SLC44A5: variants seen among roughly 807,000 people sequenced by gnomAD.
SLC44A5 encodes the protein choline transporter-like protein 5.
Under a neutral mutation model 101.8 loss-of-function variants are expected in SLC44A5, and 57 were observed. The observed-to-expected ratio is 0.56, with a 90% confidence interval of 0.45 to 0.70. The LOEUF is 0.70. Among genes scored for constraint, SLC44A5 ranks in the 30% least tolerant of loss-of-function variants. The probability of loss-of-function intolerance (pLI) is 0.00; values close to 1 mark genes in which losing one functional copy is unlikely to be tolerated. For missense variants in SLC44A5, 737 were observed against 853.1 expected (o/e 0.86, Z 1.70); for synonymous variants, 281 against 290.9 (o/e 0.97, Z 0.35).
the SLC44A5 span, among the ~76,000 whole-genome samples, chr1:75,633,583 T>C: frequency 1.3e-5 from 2 of 152,170 alleles, no homozygotes; most frequent in Non-Finnish European, 2.9e-5. Flanking sequence ...ATCCTGAGAC[T>C]TTGCTGAAGT....
At chr1:75,229,584 G>C (rs1174858802) in intron 12 of SLC44A5, among the ~76,000 whole-genome samples, 1 of 152,040 alleles carries the variant, frequency 6.6e-6, no homozygotes, top group Non-Finnish European at 1.5e-5. Flanking sequence ...TTCCCCAAAA[G>C]AGCCCTCCTG....
chr1:75,506,563 G>A (rs1185711139), intron 2 of SLC44A5, among the ~76,000 whole-genome samples: 2 of 152,130 alleles, frequency 1.3e-5, no homozygotes, highest in African/African-American at 2.4e-5. Flanking sequence ...TCACCTCCAT[G>A]ATTGGATGTA....
intron 2 of SLC44A5, among the ~76,000 whole-genome samples, chr1:75,488,852 T>C (rs1668291585): frequency 6.6e-6 from 1 of 152,156 alleles, no homozygotes; most frequent in South Asian, 2.1e-4. Context: ...GTCTAAGAAA[T>C]AATTTAATTT....
chr1:75,543,038 A>T (rs1671438469), intron 1 of SLC44A5, among the ~76,000 whole-genome samples: 1 of 152,180 alleles, frequency 6.6e-6, no homozygotes, highest in Admixed American at 6.6e-5. Context: ...TTACTGCAAA[A>T]GGTACAAAAG....
intron 2 of SLC44A5, among the ~76,000 whole-genome samples, chr1:75,476,475 G>A (rs1040625032): frequency 6.6e-6 from 1 of 152,188 alleles, no homozygotes; most frequent in African/African-American, 2.4e-5. Flanking sequence ...AGTGCAAGGG[G>A]TCAGGGAGTT....
chr1:75,363,335 T>C (rs78026249), intron 3 of SLC44A5, among the ~76,000 whole-genome samples: 3,138 of 152,092 alleles, frequency 0.021, 103 homozygotes, highest in African/African-American at 0.061. Flanking sequence ...TTATTGCCAT[T>C]TTAAAGTTAT....
chr1:75,439,447 A>C (rs966341983), intron 2 of SLC44A5, among the ~76,000 whole-genome samples: 1 of 152,078 alleles, frequency 6.6e-6, no homozygotes, highest in Non-Finnish European at 1.5e-5. Flanking sequence ...TCTAGGCAAA[A>C]TGGTGCATGC....
intron 11 of SLC44A5, among the ~76,000 whole-genome samples, chr1:75,235,013 T>C (rs1647947397): frequency 6.6e-6 from 1 of 152,036 alleles, no homozygotes; most frequent in South Asian, 2.1e-4. Context: ...ATTTATTAAG[T>C]TATTGTCTCA....
chr1:75,483,950 G>A (rs1668014429), intron 2 of SLC44A5, among the ~76,000 whole-genome samples: 2 of 152,098 alleles, frequency 1.3e-5, no homozygotes, highest in African/African-American at 4.8e-5. Flanking sequence ...CAGCTCTCAT[G>A]AGAACTCACT....
intron 3 of SLC44A5, among the ~76,000 whole-genome samples, chr1:75,388,222 A>ATAAG (rs1661523102): frequency 6.6e-6 from 1 of 150,510 alleles, no homozygotes; most frequent in Admixed American, 6.6e-5. Context: ...AAATAAATAA[A>ATAAG]TAAATAAATA....
At chr1:75,557,485 G>A (rs1229442922) in intron 1 of SLC44A5, among the ~76,000 whole-genome samples, 1 of 152,096 alleles carries the variant, frequency 6.6e-6, no homozygotes, top group Non-Finnish European at 1.5e-5. Flanking sequence ...CTCTTCTGTG[G>A]CCTTGTGATA....
the SLC44A5 span, among the ~76,000 whole-genome samples, chr1:75,658,478 T>C: frequency 6.6e-6 from 1 of 152,166 alleles, no homozygotes; most frequent in Non-Finnish European, 1.5e-5. Context: ...AAAGGAATTT[T>C]GGAAACTTCA....
intron 1 of SLC44A5, among the ~76,000 whole-genome samples, chr1:75,555,975 C>T (rs1403242465): frequency 6.6e-6 from 1 of 151,906 alleles, no homozygotes; most frequent in Non-Finnish European, 1.5e-5. Context: ...CAAAAAAGTA[C>T]ACATTATATA....
intron 23 of SLC44A5, among the ~76,000 whole-genome samples, chr1:75,209,299 G>A (rs1481461860): frequency 1.3e-5 from 2 of 152,172 alleles, no homozygotes; most frequent in Non-Finnish European, 2.9e-5. Flanking sequence ...GACATTTCCT[G>A]AGACAAATTT....
chr1:75,320,455 G>C (rs1169316749), intron 4 of SLC44A5, among the ~76,000 whole-genome samples: 1 of 151,990 alleles, frequency 6.6e-6, no homozygotes, highest in Non-Finnish European at 1.5e-5. Context: ...CCATTTATTT[G>C]CAAAAAAACC....
chr1:75,349,467 G>A (rs187983943), intron 3 of SLC44A5, among the ~76,000 whole-genome samples: 1 of 152,286 alleles, frequency 6.6e-6, no homozygotes, highest in East Asian at 1.9e-4. Flanking sequence ...ATGGAGACAG[G>A]CAATGAAACA....
intron 4 of SLC44A5, among the ~76,000 whole-genome samples, chr1:75,313,612 A>C (rs1307390541): frequency 6.6e-6 from 1 of 152,214 alleles, no homozygotes; most frequent in Non-Finnish European, 1.5e-5. Context: ...ATGACAACTT[A>C]CTGAACTGTG....
At chr1:75,542,155 G>A (rs1409840140) in intron 1 of SLC44A5, among the ~76,000 whole-genome samples, 1 of 152,022 alleles carries the variant, frequency 6.6e-6, no homozygotes, top group Non-Finnish European at 1.5e-5. Flanking sequence ...TTCTATGTAT[G>A]TTTTTTAACT....
intron 2 of SLC44A5, among the ~76,000 whole-genome samples, chr1:75,420,835 T>C (rs930401521): frequency 6.6e-6 from 1 of 152,158 alleles, no homozygotes; most frequent in African/African-American, 2.4e-5. Context: ...TCTATTACTC[T>C]CTGTCAAGTG....
Sources: gnomAD v4.1 joint callset for allele counts (sites outside exome capture counted in the v4.1 genomes callset) on GRCh38, gnomAD v4.1.1 for gene constraint, MANE v1.5 for transcripts, NCBI Gene and HGNC (gene_info 2026-07-23, HGNC 2026-07-21) for gene names.